WDR43: variants seen among roughly 807,000 people sequenced by gnomAD.
The protein encoded by WDR43 is WD repeat-containing protein 43.
In WDR43, 13 loss-of-function variants were observed where a neutral mutation model predicts 91.4. The observed-to-expected ratio is 0.14, with a 90% CI of 0.09 to 0.23. The LOEUF (loss-of-function observed/expected upper bound fraction) is 0.23, where lower values mean the gene tolerates loss of function less well. Ranked by LOEUF, WDR43 falls within the 10% of genes least tolerant of loss-of-function variation. The pLI is 1.00. For missense variants in WDR43, 780 were observed against 809.4 expected, an observed-to-expected ratio of 0.96 and a Z score of 0.44; for synonymous variants, 331 against 287.9, an observed-to-expected ratio of 1.15 and a Z score of -1.51.
At chr2:28,926,416 C>CTTTTTTTTT in intron 8 of WDR43, 52 bp from the exon 9 acceptor site, 13 of 1,222,442 alleles carry the variant, frequency 1.1e-5, no homozygotes, top group South Asian at 1.7e-5. Context: ...GTTTGACACT[C>CTTTTTTTTT]TTTTTTTTTT....
intron 11 of WDR43, chr2:28,930,149 G>A (rs1442506106): frequency 2.1e-6 from 1 of 470,532 alleles, no homozygotes; most frequent in Non-Finnish European, 4.4e-6. Flanking sequence ...CTTGGCAATG[G>A]GTAGGAGGTT....
chr2:28,938,030 A>G, intron 14 of WDR43, 36 bp downstream of exon 14: 1 of 1,607,276 alleles, frequency 6.2e-7, no homozygotes, highest in South Asian at 1.1e-5. Context: ...GAGTATGAAT[A>G]GTTTGGCTTT....
intron 4 of WDR43, 33 bp from the exon 5 acceptor site, chr2:28,914,036 C>T: frequency 6.2e-7 from 1 of 1,609,842 alleles, no homozygotes; most frequent in Non-Finnish European, 8.5e-7. Context: ...TGCTTTGAAT[C>T]TGCTCTCCTA....
At chr2:28,917,027 G>A (rs1263709499) in intron 5 of WDR43, among the ~76,000 whole-genome samples, 1 of 152,054 alleles carries the variant, frequency 6.6e-6, no homozygotes, top group African/African-American at 2.4e-5. Flanking sequence ...TTGTGCTTAG[G>A]AACACCATAG....
intron 5 of WDR43, among the ~76,000 whole-genome samples, chr2:28,917,540 A>G (rs955058130): frequency 6.6e-6 from 1 of 152,222 alleles, no homozygotes; most frequent in Admixed American, 6.5e-5. Context: ...GAAGAAAATC[A>G]TTGGAAGACT....
rs1274137006 is a variant in WDR43 at position 28,894,901 on chromosome 2, C to T, written c.203C>T (p.Ala68Val). The change falls in exon 1 of 18, where the codon GCG becomes GTG. Residue 68 changes from alanine (A) to valine (V), a missense_variant. Coordinates refer to ENST00000407426, the MANE Select transcript of WDR43 (RefSeq NM_015131.3). The part of the protein sequence containing the change: ...LSGTCTCLAW[A>V]PARLQAKESP... ...GGTACCTGCACCTGTCTGGCCTGGGCGCCAGCGCGGCTGCAGGCCAAGGTA... is the reference window on the plus strand; with the variant it reads ...GGTACCTGCACCTGTCTGGCCTGGGTGCCAGCGCGGCTGCAGGCCAAGGTA... 3 of 1,598,606 alleles carry T rather than the reference C, an allele frequency of 1.9e-6. No homozygotes were observed. Among genetic ancestry groups the T allele is most frequent in the South Asian group, 2.2e-5 (2 of 88,920 alleles).
intron 6 of WDR43, among the ~76,000 whole-genome samples, chr2:28,921,339 G>C (rs1343047151): frequency 1.3e-5 from 2 of 151,818 alleles, no homozygotes; most frequent in African/African-American, 2.4e-5. Context: ...TGTTGGCCAG[G>C]ATGGTCTTGA....
intron 11 of WDR43, among the ~76,000 whole-genome samples, chr2:28,930,757 A>T (rs1671223181): frequency 6.6e-6 from 1 of 152,160 alleles, no homozygotes; most frequent in Admixed American, 6.5e-5. Flanking sequence ...TCTTTTTCTT[A>T]TTAAGAAACA....
chr2:28,902,437 A>G (rs1371345853), intron 2 of WDR43, among the ~76,000 whole-genome samples: 2 of 152,324 alleles, frequency 1.3e-5, no homozygotes, highest in East Asian at 3.9e-4. Context: ...TAGGGGAATA[A>G]AGGAGGCAGT....
intron 1 of WDR43, 162 bp downstream of exon 1, chr2:28,895,085 C>A (rs1270876040): frequency 1.6e-6 from 1 of 642,230 alleles, no homozygotes; most frequent in Non-Finnish European, 2.2e-6. Flanking sequence ...CCGCCAGCCC[C>A]GCGTGCGGCC....
At chr2:28,899,449 GGAAAA>G (rs1670541190) in intron 1 of WDR43, among the ~76,000 whole-genome samples, 1 of 152,126 alleles carries the variant, frequency 6.6e-6, no homozygotes, top group African/African-American at 2.4e-5. Flanking sequence ...TCCAAGTGAA[GGAAAA>G]GCAAAAGCAA....
In WDR43 at chr2:28,936,957, A is replaced by C; in HGVS notation, c.1556+4A>C. On this transcript the variant is annotated splice_donor_region_variant and intron_variant, in intron 13 of 17. Transcript: ENST00000407426. ...GGTTACAAGGACATCCTAATAGGTA[A>C]GATTAAACAGGTGACTTAAAAACAG... 6.4e-7 allele frequency: 1 copy of C among 1,568,766 alleles called. No homozygotes were observed. Among genetic ancestry groups the C allele is most frequent in the Non-Finnish European group, 8.7e-7 (1 of 1,155,370 alleles).
chr2:28,937,833 T>C, intron 13 of WDR43, 98 bp from the exon 14 acceptor site: 1 of 1,130,306 alleles, frequency 8.8e-7, no homozygotes, highest in Middle Eastern at 2.1e-4. Context: ...CAGAGCAACA[T>C]TTATAGACCT....
intron 16 of WDR43, among the ~76,000 whole-genome samples, chr2:28,944,177 G>A (rs377429812): frequency 1.7e-4 from 26 of 152,308 alleles, no homozygotes; most frequent in Middle Eastern, 3.4e-3. Flanking sequence ...GATATGAGAA[G>A]TTTTTAATAG....
At chr2:28,902,786 C>A (rs996105140) in intron 2 of WDR43, among the ~76,000 whole-genome samples, 3 of 152,192 alleles carry the variant, frequency 2.0e-5, no homozygotes, top group Admixed American at 6.5e-5. Context: ...AATCAGAAAT[C>A]AGGTTGCTGA....
chr2:28,902,187 T>TA (rs370426248), intron 2 of WDR43, 63 bp downstream of exon 2: 12,850 of 1,288,152 alleles, frequency 1.0e-2, no homozygotes, highest in South Asian at 0.016. Flanking sequence ...TAGAGATTAT[T>TA]AAAAAAAAAA....
In WDR43 at chr2:28,902,480, G is replaced by C. The variant is rs550158144; in HGVS notation, c.363+356G>C. On this transcript the variant is annotated intron_variant, in intron 2 of 17. Transcript: ENST00000407426. ...ACTGCTAACACTGAGATCTTTTAGGGGCAAGTGTTGTGCTGCTGTTGCTGT... is the reference window on the plus strand; with the variant it reads ...ACTGCTAACACTGAGATCTTTTAGGCGCAAGTGTTGTGCTGCTGTTGCTGT... Among the ~76,000 whole-genome samples, 2 of 152,192 alleles carry C rather than the reference G, an allele frequency of 1.3e-5. 1 individual carries two copies. Among genetic ancestry groups the C allele is most frequent in the African/African-American group, 4.8e-5 (2 of 41,452 alleles).
At position 28,910,694 on chromosome 2, in the gene WDR43, T is replaced by TATATATATATATATAC. The variant is rs1001847583; in HGVS notation, c.486-1895_486-1894insTATATATATATATACA. Among the ~76,000 whole-genome samples the TATATATATATATATAC allele has an allele frequency of 1.4e-3, 207 of 148,358 alleles. 1 individual carries two copies. Among genetic ancestry groups the TATATATATATATATAC allele is most frequent in the Non-Finnish European group, 2.1e-3 (144 of 67,204 alleles). On this transcript the variant is annotated intron_variant, in intron 3 of 17. Coordinates refer to ENST00000407426, the MANE Select transcript of WDR43 (RefSeq NM_015131.3). ...GTGTGTGTAAATATATATATATATA[T>TATATATATATATATAC]AATTATTATTTTTATTTTTTTTGAG...
chr2:28,930,310 TAC>T (rs914032808), intron 11 of WDR43, among the ~76,000 whole-genome samples: 1 of 152,250 alleles, frequency 6.6e-6, no homozygotes, highest in African/African-American at 2.4e-5. Context: ...TCTTAAATTC[TAC>T]AGTTTGACAG....
Sources: gnomAD v4.1 joint callset for allele counts (sites outside exome capture counted in the v4.1 genomes callset) on GRCh38, gnomAD v4.1.1 for gene constraint, MANE v1.5 for transcripts, NCBI Gene and HGNC (gene_info 2026-07-23, HGNC 2026-07-21) for gene names.